CXXC5: variants seen among roughly 807,000 people sequenced by gnomAD.
The protein encoded by CXXC5 is CXXC finger protein 5, also known as CXXC-type zinc finger protein 5.
CXXC5 carries 2 observed loss-of-function variants against 17.6 expected under a neutral mutation model. The observed-to-expected ratio is 0.11, with a 90% CI of 0.05 to 0.36. CXXC5 has a LOEUF of 0.36. CXXC5 is among the 10% of genes least tolerant of loss of function. The pLI is 1.00. For synonymous variants in CXXC5, 171 were observed against 193.0 expected (o/e 0.89, Z 0.94); for missense variants, 343 against 458.3 (o/e 0.75, Z 2.30).
chr5:139,653,502 T>C (rs1252994173), intron 1 of CXXC5, among the ~76,000 whole-genome samples: 1 of 152,144 alleles, frequency 6.6e-6, no homozygotes, highest in African/African-American at 2.4e-5. Flanking sequence ...GGCTGCCAGA[T>C]CCCCAGATGA....
intron 1 of CXXC5, among the ~76,000 whole-genome samples, chr5:139,667,960 G>A (rs1756204388): frequency 6.6e-6 from 1 of 152,184 alleles, no homozygotes; most frequent in Non-Finnish European, 1.5e-5. Flanking sequence ...CTGAAAAGAA[G>A]TTGCAGTTCC....
At chr5:139,673,072 T>A (rs1349221655) in intron 1 of CXXC5, among the ~76,000 whole-genome samples, 1 of 152,076 alleles carries the variant, frequency 6.6e-6, no homozygotes, top group Non-Finnish European at 1.5e-5. Flanking sequence ...AGCTCAGAGA[T>A]CACCACATTG....
At position 139,682,909 on chromosome 5, in the gene CXXC5, G is replaced by C. The variant is rs749050703; in HGVS notation, c.*2G>C. The C allele has an allele frequency of 9.4e-6, 15 of 1,591,424 alleles. No individual in the cohort carries two copies. The Admixed American group carries it at 2.6e-4, about 28-fold the overall frequency. ...GCCGCCTTCCGGTGGTTTCAGTGAC[G>C]GCGGCGGAACCCAAAGCTGCCCTCT... On this transcript the variant is annotated 3_prime_UTR_variant, in exon 3 of 3. Transcript: ENST00000302517.
chr5:139,657,739 G>A (rs771765468), intron 1 of CXXC5, among the ~76,000 whole-genome samples: 6 of 152,192 alleles, frequency 3.9e-5, no homozygotes, highest in Non-Finnish European at 7.3e-5. Context: ...GCTGGCTGCC[G>A]GCTGGCCTGG....
At chr5:139,659,553 T>C (rs1165321782) in intron 1 of CXXC5, 2 of 152,436 alleles carry the variant, frequency 1.3e-5, no homozygotes, top group East Asian at 3.9e-4. Flanking sequence ...CATCCAGATT[T>C]CAAAGCCTTC....
At chr5:139,650,436 G>A (rs1246707626) in intron 1 of CXXC5, among the ~76,000 whole-genome samples, 2 of 152,232 alleles carry the variant, frequency 1.3e-5, no homozygotes, top group African/African-American at 4.8e-5. Context: ...GAAGCGTTGG[G>A]GAGGGGGCGT....
Position 139,680,639 on chromosome 5 carries a change from C to T in CXXC5, c.116C>T (p.Ala39Val). ...AAGGCAGGAGCAGCAGACAAGAGTG[C>T]AGTGGTGGCTGCCGCCGCACCAGCC... is the stretch of plus-strand genomic sequence containing the variant. ...GPKAGAADKS[A>V]VVAAAAPASV... Residue 39 changes from alanine (A) to valine (V), a missense_variant, in exon 2 of 3, where the codon GCA (alanine) becomes GTA (valine). This residue lies in a region of CXXC5 where 297 missense variants were observed against 363.4 expected (regional missense o/e 0.82). Transcript: ENST00000302517. 6.2e-7 allele frequency: 1 copy of T among 1,612,600 alleles called. No homozygotes were observed. Among genetic ancestry groups the T allele is most frequent in the South Asian group, 1.1e-5 (1 of 91,072 alleles).
At chr5:139,667,795 G>C (rs1164821483) in intron 1 of CXXC5, among the ~76,000 whole-genome samples, 2 of 152,210 alleles carry the variant, frequency 1.3e-5, no homozygotes, top group East Asian at 3.9e-4. Context: ...GTTTGGGGGA[G>C]CAGGGGTGGC....
At chr5:139,681,867 G>A (rs932978051) in intron 2 of CXXC5, among the ~76,000 whole-genome samples, 7 of 152,156 alleles carry the variant, frequency 4.6e-5, no homozygotes, top group Non-Finnish European at 8.8e-5. Context: ...TCTGTTTCAC[G>A]GGCCCTGTGC....
intron 1 of CXXC5, among the ~76,000 whole-genome samples, chr5:139,664,907 C>T (rs1361142184): frequency 1.3e-5 from 2 of 152,232 alleles, no homozygotes; most frequent in African/African-American, 4.8e-5. Context: ...TGATGCCTAC[C>T]TCTGTGGGTT....
At chr5:139,672,535 A>C (rs1291846809) in intron 1 of CXXC5, among the ~76,000 whole-genome samples, 1 of 152,186 alleles carries the variant, frequency 6.6e-6, no homozygotes, top group East Asian at 1.9e-4. Context: ...GTCCTGCTCA[A>C]AACCCTTCTC....
chr5:139,667,061 C>T (rs1290910899), intron 1 of CXXC5, among the ~76,000 whole-genome samples: 3 of 152,174 alleles, frequency 2.0e-5, no homozygotes, highest in Admixed American at 2.0e-4. Flanking sequence ...CCTCCCATAG[C>T]TGTTCAGGAT....
chr5:139,663,486 G>A lies in CXXC5; in HGVS notation c.-161+14641G>A, dbSNP rs997531922. ...GTGTAGGTAGGCCTTCTTCCTTTGG[G>A]CAGAAGAGGAGATGCAAGCCTGGCC... On this transcript the variant is annotated intron_variant, in intron 1 of 2. Coordinates refer to ENST00000302517, the MANE Select transcript of CXXC5 (RefSeq NM_016463.9). This position sits in a 1 kb window ranked among gnomAD's most constrained non-coding sequence, Gnocchi z 4.2. Among the ~76,000 whole-genome samples, 2 of 152,120 alleles carry A rather than the reference G, an allele frequency of 1.3e-5. No individual in the cohort carries two copies. Among genetic ancestry groups the A allele is most frequent in the African/African-American group, 4.8e-5 (2 of 41,408 alleles).
chr5:139,671,707 G>A (rs1464465527), intron 1 of CXXC5, among the ~76,000 whole-genome samples: 1 of 152,238 alleles, frequency 6.6e-6, no homozygotes, highest in East Asian at 1.9e-4. Context: ...GGGCCTTGGG[G>A]TACAGCTGCA....
chr5:139,666,486 T>A (rs1756120875), intron 1 of CXXC5, among the ~76,000 whole-genome samples: 1 of 152,212 alleles, frequency 6.6e-6, no homozygotes, highest in Admixed American at 6.5e-5. Flanking sequence ...TCCTAGTTTC[T>A]GCAGGAGCGT....
intron 1 of CXXC5, among the ~76,000 whole-genome samples, chr5:139,652,163 CGCGCGCGCGTGTGTGT>C (rs1230059435): frequency 7.2e-6 from 1 of 139,814 alleles, no homozygotes; most frequent in Non-Finnish European, 1.6e-5. Context: ...CGCGCGCGCG[CGCGCGCGCGTGTGTGT>C]GTGTGTGTGT....
intron 1 of CXXC5, among the ~76,000 whole-genome samples, chr5:139,653,471 C>G (rs1755319737): frequency 1.3e-5 from 2 of 152,126 alleles, no homozygotes; most frequent in Non-Finnish European, 2.9e-5. Flanking sequence ...ATGAACGGAG[C>G]CTGTGAGAGC....
intron 1 of CXXC5, among the ~76,000 whole-genome samples, chr5:139,669,154 A>G (rs554902125): frequency 1.3e-5 from 2 of 152,256 alleles, no homozygotes; most frequent in African/African-American, 4.8e-5. Context: ...CCATAATTAT[A>G]TTAGCAGGTG....
intron 1 of CXXC5, among the ~76,000 whole-genome samples, chr5:139,672,783 A>C (rs546263012): frequency 5.9e-5 from 9 of 152,312 alleles, no homozygotes; most frequent in Admixed American, 4.6e-4. Context: ...TTAGTGGCGG[A>C]AAGAGCTTGG....
Sources: allele counts gnomAD v4.1 joint callset (sites outside exome capture counted in the v4.1 genomes callset), GRCh38; gene constraint gnomAD v4.1.1; regional missense constraint gnomAD v4.1.1; non-coding constraint Gnocchi (gnomAD v3.1); transcripts MANE v1.5; gene names NCBI Gene and HGNC (gene_info 2026-07-23, HGNC 2026-07-21).